RBFOX3: variants seen among roughly 807,000 people sequenced by gnomAD.
The protein encoded by RBFOX3 is RNA binding fox-1 homolog 3, also known as RNA binding protein fox-1 homolog 3.
A neutral mutation model predicts 48.7 loss-of-function variants in RBFOX3; 17 were observed. That is an observed-to-expected ratio of 0.35 (90% CI 0.24 to 0.52). The LOEUF is 0.52. RBFOX3 is among the 20% of genes least tolerant of loss of function. The pLI is 0.94. For missense variants in RBFOX3, 382 were observed against 497.5 expected (o/e 0.77, Z 2.21); for synonymous variants, 212 against 209.5 (o/e 1.01, Z -0.10).
intron 4 of RBFOX3, among the ~76,000 whole-genome samples, chr17:79,131,286 T>C (rs2038837133): frequency 6.6e-6 from 1 of 151,688 alleles, no homozygotes; most frequent in African/African-American, 2.4e-5. Flanking sequence ...GCCCTCCGTG[T>C]GTATTCCATG....
At chr17:79,551,028 G>C (rs935552245) in intron 1 of RBFOX3, among the ~76,000 whole-genome samples, 9 of 152,348 alleles carry the variant, frequency 5.9e-5, no homozygotes, top group African/African-American at 1.9e-4. Context: ...CTGAACACTT[G>C]AAATGTAACT....
chr17:79,263,089 C>G (rs1029963408), intron 3 of RBFOX3, among the ~76,000 whole-genome samples: 1 of 152,200 alleles, frequency 6.6e-6, no homozygotes, highest in South Asian at 2.1e-4. Context: ...CAGGGTAACT[C>G]GCCCAGGCCT....
intron 4 of RBFOX3, among the ~76,000 whole-genome samples, chr17:79,202,432 G>C (rs1006603488): frequency 5.3e-5 from 8 of 152,172 alleles, no homozygotes; most frequent in African/African-American, 1.9e-4. Flanking sequence ...TCCTGGTAGA[G>C]TCTGCCACTG....
intron 2 of RBFOX3, among the ~76,000 whole-genome samples, chr17:79,316,283 C>A (rs750682138): frequency 6.6e-6 from 1 of 152,164 alleles, no homozygotes; most frequent in East Asian, 1.9e-4. Context: ...GAAGATCGAA[C>A]GTCACCCATG....
intron 2 of RBFOX3, chr17:79,424,001 G>C (rs1011567182): frequency 2.0e-5 from 3 of 152,836 alleles, no homozygotes; most frequent in African/African-American, 7.2e-5. Flanking sequence ...TTCATCCAAG[G>C]AGACCTCCCT....
the RBFOX3 span, among the ~76,000 whole-genome samples, chr17:79,627,590 G>A: frequency 1.3e-5 from 2 of 152,244 alleles, no homozygotes; most frequent in South Asian, 4.2e-4. Flanking sequence ...ATAAGAGCCC[G>A]CGCCTCTCCA....
rs371360276 is a variant in RBFOX3, at chr17:79,479,025, G to A, written c.-175+3429C>T. ...CTCGCCTGCAGTGATGGGGAGTCTC[G>A]GTCGAAGGGCTCCTTGCCAAGGCCA... On this transcript the variant is annotated intron_variant, in intron 2 of 14. Coordinates refer to ENST00000693108, the MANE Select transcript of RBFOX3 (RefSeq NM_001350451.2). This position sits in a 1 kb window ranked among gnomAD's most constrained non-coding sequence, Gnocchi z 5.1. Among the ~76,000 whole-genome samples the A allele has an allele frequency of 1.1e-4, 17 of 152,266 alleles. No homozygotes were observed. The East Asian group carries it at 2.5e-3, about 23-fold the overall frequency.
At chr17:79,165,707 T>C (rs1033426283) in intron 4 of RBFOX3, among the ~76,000 whole-genome samples, 2 of 152,212 alleles carry the variant, frequency 1.3e-5, no homozygotes, top group African/African-American at 2.4e-5. Context: ...CACAAGGGCT[T>C]GGGGTCTATG....
intron 2 of RBFOX3, among the ~76,000 whole-genome samples, chr17:79,385,635 C>T (rs1268435655): frequency 6.6e-6 from 1 of 152,228 alleles, no homozygotes; most frequent in Non-Finnish European, 1.5e-5. Flanking sequence ...TCTGTGAGCC[C>T]TCTGGGTGGG....
chr17:79,283,126 C>T (rs1026585125), intron 3 of RBFOX3, among the ~76,000 whole-genome samples: 2 of 151,980 alleles, frequency 1.3e-5, no homozygotes, highest in Admixed American at 6.6e-5. Flanking sequence ...CTAAAGCCAT[C>T]GATATTTTGT....
intron 2 of RBFOX3, among the ~76,000 whole-genome samples, chr17:79,453,236 G>A (rs2073873432): frequency 6.6e-6 from 1 of 152,242 alleles, no homozygotes; most frequent in Non-Finnish European, 1.5e-5. Flanking sequence ...GGCCATGCTG[G>A]CCACACCCTA....
chr17:79,111,725 GC>G lies in RBFOX3; in HGVS notation c.222+3768del, dbSNP rs1476937164. ...TGGGGTGACAGGCGTGAGCCAACATGCCCGGCCCGTTAGCAAGCTGAGGGTC... is the reference window on the plus strand; with the variant it reads ...TGGGGTGACAGGCGTGAGCCAACATGCCGGCCCGTTAGCAAGCTGAGGGTC... On this transcript the variant is annotated intron_variant, in intron 5 of 14. Coordinates refer to ENST00000693108, the MANE Select transcript of RBFOX3 (RefSeq NM_001350451.2). The surrounding 1 kb of genome is among the most constrained non-coding windows in gnomAD (Gnocchi z 4.2). Among the ~76,000 whole-genome samples the G allele has an allele frequency of 2.6e-5, 4 of 152,250 alleles. No individual in the cohort carries two copies. Among genetic ancestry groups the G allele is most frequent in the African/African-American group, 9.6e-5 (4 of 41,464 alleles).
intron 5 of RBFOX3, among the ~76,000 whole-genome samples, chr17:79,109,006 C>T (rs1008631709): frequency 6.6e-6 from 1 of 152,262 alleles, no homozygotes. Flanking sequence ...ACCGCTGTCC[C>T]GATGCTCACC....
chr17:79,270,221 C>T (rs980085686), intron 3 of RBFOX3, among the ~76,000 whole-genome samples: 1 of 152,208 alleles, frequency 6.6e-6, no homozygotes, highest in African/African-American at 2.4e-5. Flanking sequence ...TGCCAGGGCC[C>T]CCGCCATGGT....
chr17:79,581,001 A>C (rs1465665736), intron 1 of RBFOX3, among the ~76,000 whole-genome samples: 1 of 152,224 alleles, frequency 6.6e-6, no homozygotes, highest in East Asian at 1.9e-4. Context: ...TAATCCCAGC[A>C]CTTTGGGAGG....
chr17:79,351,338 T>C (rs2083905058), intron 2 of RBFOX3, among the ~76,000 whole-genome samples: 1 of 152,168 alleles, frequency 6.6e-6, no homozygotes, highest in Admixed American at 6.5e-5. Context: ...TGTCAAACTG[T>C]TTTTCCAAAG....
chr17:79,259,518 T>C (rs1462336731), intron 3 of RBFOX3, among the ~76,000 whole-genome samples: 3 of 152,160 alleles, frequency 2.0e-5, no homozygotes, highest in African/African-American at 7.2e-5. Flanking sequence ...ACCAGCTGCA[T>C]CTGGGAGGCA....
chr17:79,340,823 C>T (rs953289416), intron 2 of RBFOX3, among the ~76,000 whole-genome samples: 19 of 152,260 alleles, frequency 1.2e-4, no homozygotes, highest in Admixed American at 3.9e-4. Context: ...GTCAGCATGC[C>T]GGAGAGGGCT....
intron 1 of RBFOX3, among the ~76,000 whole-genome samples, chr17:79,577,633 CTT>C (rs1295799679): frequency 7.9e-5 from 12 of 152,240 alleles, no homozygotes; most frequent in African/African-American, 2.9e-4. Context: ...TGGGCGCACA[CTT>C]TGCCAACAAA....
Sources: gnomAD v4.1 joint callset for allele counts (sites outside exome capture counted in the v4.1 genomes callset) on GRCh38, gnomAD v4.1.1 for gene constraint, Gnocchi (gnomAD v3.1) non-coding constraint, MANE v1.5 for transcripts, NCBI Gene and HGNC (gene_info 2026-07-23, HGNC 2026-07-21) for gene names.